ZNF385D: variants seen among roughly 807,000 people sequenced by gnomAD.
ZNF385D encodes zinc finger protein 385D.
Under a neutral mutation model 35.8 loss-of-function variants are expected in ZNF385D, and 15 were observed. The ratio of observed to expected loss-of-function variants is 0.42; its 90% CI spans 0.28 to 0.64. The LOEUF is 0.64. ZNF385D is among the 30% of genes least tolerant of loss of function. ZNF385D has a pLI of 0.23. For synonymous variants in ZNF385D, 212 were observed against 186.8 expected (o/e 1.13, Z -1.10); for missense variants, 474 against 494.6 (o/e 0.96, Z 0.39).
Position 22,064,369 on chromosome 3 carries a change from A to C in ZNF385D, c.325+104448T>G, listed in dbSNP as rs1699829612. 1.3e-5 allele frequency among the ~76,000 whole-genome samples: 2 copies of C among 152,046 alleles called. 1 individual carries two copies. Among genetic ancestry groups the C allele is most frequent in the South Asian group, 4.1e-4 (2 of 4,832 alleles). ...ATGGTGATTTTGGGACAACTTCAAA[A>C]ACTGTTAGAAAGCAGAGCATTTGTT... On this transcript the variant is annotated intron_variant, in intron 3 of 5. Transcript: ENST00000494108.
At position 21,627,246 on chromosome 3, in the gene ZNF385D, GGTGTGTGTGTGTGTGTGTGT is replaced by G. The variant is rs55918045; in HGVS notation, c.165+37620_165+37639del. ...CTTATGCTGGTTCAAAGAGGTGTAG[GGTGTGTGTGTGTGTGTGTGT>G]GTGTGTGTGTGTGTGTGTGTGAATT... On this transcript the variant is annotated intron_variant, in intron 2 of 7. Transcript: ENST00000281523. Among the ~76,000 whole-genome samples the G allele has an allele frequency of 7.0e-3, 981 of 139,498 alleles. 10 individuals are homozygous for G. Among genetic ancestry groups the G allele is most frequent in the African/African-American group, 0.026 (941 of 36,396 alleles). The allele number at this position is 139,498 out of a possible 152,430, so 91.5% of individuals were successfully genotyped here.
intron 2 of ZNF385D, among the ~76,000 whole-genome samples, chr3:21,634,818 C>CTT (rs199974301): frequency 2.8e-5 from 4 of 143,744 alleles, no homozygotes; most frequent in East Asian, 2.0e-4. Context: ...TTGGCTTACT[C>CTT]TTTTTTTTTT....
At chr3:21,704,805 T>C (rs1233857943) in intron 1 of ZNF385D, among the ~76,000 whole-genome samples, 1 of 152,072 alleles carries the variant, frequency 6.6e-6, no homozygotes, top group Non-Finnish European at 1.5e-5. Context: ...TAAATAAATA[T>C]CTATTACATG....
intron 2 of ZNF385D, among the ~76,000 whole-genome samples, chr3:21,608,269 A>G (rs1351966847): frequency 6.6e-6 from 1 of 152,082 alleles, no homozygotes; most frequent in Admixed American, 6.5e-5. Flanking sequence ...TTGGCCTCCT[A>G]AAGTGCTGGG....
At chr3:21,729,302 C>T (rs1477937940) in intron 1 of ZNF385D, among the ~76,000 whole-genome samples, 1 of 152,154 alleles carries the variant, frequency 6.6e-6, no homozygotes, top group African/African-American at 2.4e-5. Flanking sequence ...CTTATTAAGG[C>T]ATCTTTCTTT....
chr3:22,102,137 G>C (rs1222181181), intron 3 of ZNF385D, among the ~76,000 whole-genome samples: 2 of 151,890 alleles, frequency 1.3e-5, no homozygotes, highest in Admixed American at 1.3e-4. Flanking sequence ...TGACAATGAA[G>C]ACAGAGATGA....
At chr3:22,237,636 C>T (rs1241428766) in intron 2 of ZNF385D, among the ~76,000 whole-genome samples, 1 of 151,974 alleles carries the variant, frequency 6.6e-6, no homozygotes, top group Non-Finnish European at 1.5e-5. Flanking sequence ...ACTTTTTGCT[C>T]TTAAATTTAG....
chr3:22,121,203 T>G (rs1703072382), intron 3 of ZNF385D, among the ~76,000 whole-genome samples: 1 of 152,112 alleles, frequency 6.6e-6, no homozygotes, highest in African/African-American at 2.4e-5. Flanking sequence ...TTCTAAACAC[T>G]CACTGTCTTA....
chr3:21,501,514 T>C (rs2125440253), intron 4 of ZNF385D, among the ~76,000 whole-genome samples: 1 of 152,370 alleles, frequency 6.6e-6, no homozygotes, highest in Admixed American at 6.5e-5. Flanking sequence ...AGAAATGTAC[T>C]ATTTGCATGT....
intron 3 of ZNF385D, among the ~76,000 whole-genome samples, chr3:21,804,303 G>T (rs1285175282): frequency 6.6e-6 from 1 of 152,074 alleles, no homozygotes; most frequent in Non-Finnish European, 1.5e-5. Flanking sequence ...AAAAGTAAGT[G>T]CCATCTAGAA....
At chr3:22,347,611 C>A (rs1203357022) in intron 2 of ZNF385D, among the ~76,000 whole-genome samples, 2 of 152,140 alleles carry the variant, frequency 1.3e-5, no homozygotes, top group Admixed American at 6.5e-5. Flanking sequence ...AAAATAGATT[C>A]TCCAGCTTGG....
At chr3:21,980,677 A>G (rs1182969463) in intron 3 of ZNF385D, among the ~76,000 whole-genome samples, 2 of 152,120 alleles carry the variant, frequency 1.3e-5, no homozygotes, top group African/African-American at 4.8e-5. Context: ...TATTAAGCCC[A>G]GTATCCAATA....
At chr3:21,672,581 T>A (rs2066609185) in intron 1 of ZNF385D, among the ~76,000 whole-genome samples, 1 of 152,126 alleles carries the variant, frequency 6.6e-6, no homozygotes, top group African/African-American at 2.4e-5. Flanking sequence ...CATTTGCCCA[T>A]GTCAATGGTC....
intron 3 of ZNF385D, among the ~76,000 whole-genome samples, chr3:21,794,214 A>C (rs2072049909): frequency 6.6e-6 from 1 of 151,972 alleles, no homozygotes; most frequent in Non-Finnish European, 1.5e-5. Flanking sequence ...CTGCTTGGGG[A>C]GTAGGAGTGT....
chr3:21,976,185 G>C (rs1363452659), intron 3 of ZNF385D, among the ~76,000 whole-genome samples: 1 of 152,148 alleles, frequency 6.6e-6, no homozygotes, highest in East Asian at 1.9e-4. Context: ...TGGCCTGCCA[G>C]AGGATAGGTT....
chr3:21,711,279 G>T (rs1021053657), intron 1 of ZNF385D, among the ~76,000 whole-genome samples: 1 of 151,834 alleles, frequency 6.6e-6, no homozygotes, highest in African/African-American at 2.4e-5. Flanking sequence ...CTGACCTCGT[G>T]ATCCACCCGC....
intron 2 of ZNF385D, among the ~76,000 whole-genome samples, chr3:22,271,085 T>C (rs1166201627): frequency 6.6e-6 from 1 of 152,002 alleles, no homozygotes; most frequent in Non-Finnish European, 1.5e-5. Context: ...ACTCACTATC[T>C]TGAGCCAGAG....
At chr3:21,959,922 C>G (rs1702491483) in intron 3 of ZNF385D, among the ~76,000 whole-genome samples, 1 of 150,816 alleles carries the variant, frequency 6.6e-6, no homozygotes, top group African/African-American at 2.4e-5. Context: ...AAACATAAGA[C>G]TCAAAACTAT....
At chr3:21,917,552 G>C (rs181931001) in intron 3 of ZNF385D, among the ~76,000 whole-genome samples, 74 of 152,336 alleles carry the variant, frequency 4.9e-4, no homozygotes, top group African/African-American at 1.8e-3. Context: ...CATATGCTAT[G>C]ACATGAAAAG....
Sources: gnomAD v4.1 joint callset for allele counts (sites outside exome capture counted in the v4.1 genomes callset) on GRCh38, gnomAD v4.1.1 for gene constraint, MANE v1.5 for transcripts, NCBI Gene and HGNC (gene_info 2026-07-23, HGNC 2026-07-21) for gene names.